Variants in FEZ2 observed in about 807,000 individuals in gnomAD.
The protein encoded by FEZ2 is fasciculation and elongation protein zeta 2.
FEZ2 carries 51 observed loss-of-function variants against 40.4 expected under a neutral mutation model. The ratio of observed to expected loss-of-function variants is 1.26; its 90% CI spans 1.01 to 1.59. The LOEUF (loss-of-function observed/expected upper bound fraction) is 1.59, where lower values mean the gene tolerates loss of function less well. Ranked by LOEUF, FEZ2 falls within the 40% of genes most tolerant of loss-of-function variation. The pLI, the probability that FEZ2 is intolerant of heterozygous loss-of-function variation, is 0.00. For missense variants in FEZ2, 640 were observed against 438.3 expected (o/e 1.46, Z -4.11); for synonymous variants, 242 against 172.0 (o/e 1.41, Z -3.18).
Position 36,583,507 on chromosome 2 carries a change from C to T in FEZ2, c.376-38G>A, listed in dbSNP as rs1453529821. The T allele has an allele frequency of 1.4e-5, 15 of 1,070,434 alleles. No individual in the cohort carries two copies. In the East Asian group the frequency reaches 3.5e-4, roughly 25 times the overall value. 66.3% of individuals were successfully genotyped at this position (1,070,434 alleles called of 1,614,324 possible). A position where few individuals can be genotyped will look rare whatever the true frequency, so the allele number is the denominator to read the frequency against. On this transcript the variant is annotated intron_variant, in intron 2 of 7. Transcript: ENST00000405912. ...ATACCCATCATTAAAAGCAGGACAT[C>T]CTCATCAAAACAAAGTTAACAGCTC...
intron 5 of FEZ2, among the ~76,000 whole-genome samples, chr2:36,570,770 G>T (rs948060260): frequency 6.6e-6 from 1 of 152,176 alleles, no homozygotes; most frequent in Non-Finnish European, 1.5e-5. Context: ...AAGTATTTGT[G>T]TATCTAAATA....
At chr2:36,568,720 T>A (rs1167435730) in intron 5 of FEZ2, among the ~76,000 whole-genome samples, 9 of 152,212 alleles carry the variant, frequency 5.9e-5, no homozygotes, top group African/African-American at 2.2e-4. Context: ...CAAAGTAATG[T>A]GGCAAGGACG....
At chr2:36,584,466 GA>G (rs1178351653) in intron 2 of FEZ2, among the ~76,000 whole-genome samples, 1 of 152,104 alleles carries the variant, frequency 6.6e-6, no homozygotes, top group African/African-American at 2.4e-5. Flanking sequence ...AACTTTGCCT[GA>G]AAAAACTCAG....
chr2:36,572,254 C>T (rs1329255562), intron 5 of FEZ2, among the ~76,000 whole-genome samples: 3 of 152,130 alleles, frequency 2.0e-5, no homozygotes, highest in Admixed American at 1.3e-4. Flanking sequence ...CAAGAAGCTG[C>T]CACACGTAGC....
intron 5 of FEZ2, chr2:36,560,817 G>T (rs1448550218): frequency 1.9e-6 from 3 of 1,611,480 alleles, no homozygotes; most frequent in Non-Finnish European, 2.5e-6. Context: ...CCAAAGGTGT[G>T]GCGGAGGCCA....
At chr2:36,597,097 A>G (rs1163011715) in intron 1 of FEZ2, among the ~76,000 whole-genome samples, 1 of 152,008 alleles carries the variant, frequency 6.6e-6, no homozygotes, top group Non-Finnish European at 1.5e-5. Context: ...TACCATCAGT[A>G]AGCAGGGCCC....
chr2:36,561,642 A>T (rs912067624), intron 5 of FEZ2: 1 of 152,216 alleles, frequency 6.6e-6, no homozygotes, highest in African/African-American at 2.4e-5. Context: ...GCATAGTAAA[A>T]AGCGTCTGGT....
At chr2:36,585,165 A>G (rs1262171445) in intron 2 of FEZ2, among the ~76,000 whole-genome samples, 2 of 152,234 alleles carry the variant, frequency 1.3e-5, no homozygotes, top group Non-Finnish European at 2.9e-5. Flanking sequence ...CTCAATAGCA[A>G]CAATAGATGC....
At chr2:36,570,652 T>C (rs1030679134) in intron 5 of FEZ2, among the ~76,000 whole-genome samples, 1 of 152,176 alleles carries the variant, frequency 6.6e-6, no homozygotes, top group South Asian at 2.1e-4. Flanking sequence ...CATAATTGTA[T>C]AGTCTACTCC....
In FEZ2 at chr2:36,581,212, C is replaced by A. The variant is rs899499615; in HGVS notation, c.634+78G>T. 25 of 1,303,460 alleles carry A rather than the reference C, an allele frequency of 1.9e-5. No homozygotes were observed. The African/African-American group carries it at 2.2e-4, about 12-fold the overall frequency. The allele number at this position is 1,303,460 out of a possible 1,614,324, so 80.7% of individuals were successfully genotyped here. ...AAACAGAAGGAGGATGAAATCAAAG[C>A]TTTCTGGAGATGATCATACTATACA... On this transcript the variant is annotated intron_variant, in intron 4 of 7. Transcript: ENST00000405912.
Position 36,558,478 on chromosome 2 carries a change from G to C in FEZ2, c.939C>G (p.Asn313Lys). 6.6e-7 allele frequency: 1 copy of C among 1,517,812 alleles called. No individual in the cohort carries two copies. Among genetic ancestry groups the C allele is most frequent in the Middle Eastern group, 1.7e-4 (1 of 5,868 alleles). The allele number at this position is 1,517,812 out of a possible 1,614,324, so 94.0% of individuals were successfully genotyped here. ...LTTVIPYEKK[N>K]GPPSVEDLQI... ...GAAGATCTTCAACAGACGGTGGTCC[G>C]TTTTTTTTCTCATAAGGAATGACTG... is the stretch of plus-strand genomic sequence containing the variant. The change falls in exon 6 of 8, where the codon AAC becomes AAG. Residue 313 changes from asparagine to lysine, a missense_variant. Asn to Lys is a moderately conservative substitution (Grantham distance 94, BLOSUM62 0). Coordinates refer to ENST00000405912, the MANE Select transcript of FEZ2 (RefSeq NM_005102.3).
chr2:36,592,266 A>G (rs915804597), intron 1 of FEZ2, among the ~76,000 whole-genome samples: 3 of 151,894 alleles, frequency 2.0e-5, no homozygotes, highest in African/African-American at 4.9e-5. Flanking sequence ...GGGCATAAAC[A>G]TAAGAATGAA....
intron 5 of FEZ2, among the ~76,000 whole-genome samples, 153 bp downstream of exon 5, chr2:36,578,444 G>A (rs997005667): frequency 2.6e-5 from 4 of 152,152 alleles, no homozygotes; most frequent in Non-Finnish European, 4.4e-5. Context: ...TGAGCACAGC[G>A]GTATTCTGGA....
chr2:36,595,745 C>T (rs549118235), intron 1 of FEZ2, among the ~76,000 whole-genome samples: 2 of 152,250 alleles, frequency 1.3e-5, no homozygotes, highest in East Asian at 3.9e-4. Flanking sequence ...GGGACAATGC[C>T]AGTGATGACC....
At chr2:36,575,328 G>A (rs928111370) in intron 5 of FEZ2, among the ~76,000 whole-genome samples, 2 of 151,798 alleles carry the variant, frequency 1.3e-5, no homozygotes, top group Non-Finnish European at 2.9e-5. Flanking sequence ...GGGACTACAG[G>A]TGCATGCCAC....
intron 5 of FEZ2, among the ~76,000 whole-genome samples, chr2:36,562,994 CA>C (rs1287529419): frequency 1.3e-5 from 2 of 152,210 alleles, no homozygotes; most frequent in African/African-American, 4.8e-5. Flanking sequence ...GAAACTAAGA[CA>C]CACTTTCTAT....
intron 7 of FEZ2, among the ~76,000 whole-genome samples, chr2:36,554,611 G>A (rs1170966713): frequency 6.6e-6 from 1 of 152,050 alleles, no homozygotes; most frequent in East Asian, 1.9e-4. Flanking sequence ...CAGAAAAAAA[G>A]CTTATTTTTT....
chr2:36,588,911 G>C (rs909303847), intron 2 of FEZ2, among the ~76,000 whole-genome samples: 3 of 151,782 alleles, frequency 2.0e-5, no homozygotes, highest in African/African-American at 7.3e-5. Flanking sequence ...TAATGGGCCT[G>C]ACTTTGAAAC....
intron 1 of FEZ2, among the ~76,000 whole-genome samples, chr2:36,592,691 G>A (rs971309884): frequency 3.3e-5 from 5 of 150,766 alleles, no homozygotes; most frequent in African/African-American, 4.9e-5. Context: ...GGCATGTGCC[G>A]CAGTCCCAGC....
Sources: allele counts gnomAD v4.1 joint callset (sites outside exome capture counted in the v4.1 genomes callset), GRCh38; gene constraint gnomAD v4.1.1; transcripts MANE v1.5; gene names NCBI Gene and HGNC (gene_info 2026-07-23, HGNC 2026-07-21).